CHN2: variants seen among roughly 807,000 people sequenced by gnomAD.
The protein encoded by CHN2 is chimerin 2.
Under a neutral mutation model 56.3 loss-of-function variants are expected in CHN2, and 35 were observed. That is an observed-to-expected ratio of 0.62 (90% CI 0.47 to 0.82). The LOEUF (loss-of-function observed/expected upper bound fraction) is 0.82. Among genes scored for constraint, CHN2 ranks in the 40% least tolerant of loss-of-function variants. The pLI is 0.00. For synonymous variants in CHN2, 210 were observed against 212.8 expected, an observed-to-expected ratio of 0.99 and a Z score of 0.12; for missense variants, 491 against 580.5, an observed-to-expected ratio of 0.85 and a Z score of 1.58.
At position 29,452,076 on chromosome 7, in the gene CHN2, T is replaced by C. The variant is rs111269813; in HGVS notation, c.577-28203T>C. 6.2e-3 allele frequency among the ~76,000 whole-genome samples: 940 copies of C among 152,356 alleles called. 9 individuals are homozygous for C. Among genetic ancestry groups the C allele is most frequent in the African/African-American group, 0.021 (887 of 41,584 alleles). ...ACAGGCCACACTTGATTTAATGCCC[T>C]GCTGTTGCCTTCTTGAAGTTCTTAA... On this transcript the variant is annotated intron_variant, in intron 6 of 12. Transcript: ENST00000222792.
chr7:29,462,597 C>G (rs1236394027), intron 6 of CHN2, among the ~76,000 whole-genome samples: 1 of 152,160 alleles, frequency 6.6e-6, no homozygotes, highest in Non-Finnish European at 1.5e-5. Context: ...CATGAGGCCT[C>G]TCCATGCAGC....
chr7:29,182,785 A>G lies in CHN2; in HGVS notation c.274+35825A>G, dbSNP rs143903938. 5.5e-3 allele frequency among the ~76,000 whole-genome samples: 835 copies of G among 152,332 alleles called. 12 individuals are homozygous for G. Among genetic ancestry groups the G allele is most frequent in the African/African-American group, 0.019 (771 of 41,580 alleles). On this transcript the variant is annotated intron_variant, in intron 2 of 6. Coordinates refer to the CHN2 transcript ENST00000439384. ...CCCAAGGAGAATTGGAGGTAGGCTT[A>G]TAGGAAATTAAATTCCTTGGACAGG...
chr7:29,485,065 G>A (rs1455297919), intron 7 of CHN2, among the ~76,000 whole-genome samples: 1 of 146,006 alleles, frequency 6.8e-6, no homozygotes, highest in African/African-American at 2.7e-5. Context: ...TCTTTACCAA[G>A]CATTTCTTCA....
rs1352164807 is a variant in CHN2 at position 29,437,490 on chromosome 7, C to A, written c.576+36662C>A. Among the ~76,000 whole-genome samples, 3 of 128,994 alleles carry A rather than the reference C, an allele frequency of 2.3e-5. 1 individual carries two copies. Among genetic ancestry groups the A allele is most frequent in the Non-Finnish European group, 3.2e-5 (2 of 62,322 alleles). 84.6% of individuals were successfully genotyped at this position (128,994 alleles called of 152,430 possible). ...GCGGGCGCCTGTAGTCCCAGCTACTCGGGAGGCTGAGGCAGGAGAATGGCA... is the reference window on the plus strand; with the variant it reads ...GCGGGCGCCTGTAGTCCCAGCTACTAGGGAGGCTGAGGCAGGAGAATGGCA... On this transcript the variant is annotated intron_variant, in intron 6 of 12. Coordinates refer to ENST00000222792, the MANE Select transcript of CHN2 (RefSeq NM_004067.4).
intron 9 of CHN2, among the ~76,000 whole-genome samples, chr7:29,502,078 T>A (rs957038765): frequency 1.3e-5 from 2 of 152,152 alleles, no homozygotes; most frequent in Non-Finnish European, 2.9e-5. Flanking sequence ...TCTATGTTAA[T>A]TTTGCCTTTT....
rs572171589 is a variant in CHN2, at chr7:29,512,196, T to C, written c.1236-368T>C. On this transcript the variant is annotated intron_variant, in intron 12 of 12. Coordinates refer to ENST00000222792, the MANE Select transcript of CHN2 (RefSeq NM_004067.4). ...CCACAAGAGGGAAAAAAAAAACGCC[T>C]TCTGTATAAGGCCTATGAAAGGACC... Among the ~76,000 whole-genome samples, 124 of 151,208 alleles carry C rather than the reference T, an allele frequency of 8.2e-4. 6 individuals are homozygous for C. The South Asian group carries it at 0.026, about 32-fold the overall frequency.
At chr7:29,250,049 G>A (rs1788376142) in intron 1 of CHN2, among the ~76,000 whole-genome samples, 1 of 152,266 alleles carries the variant, frequency 6.6e-6, no homozygotes, top group Middle Eastern at 3.4e-3. Flanking sequence ...AGCACAACAT[G>A]TGATTTTATT....
At chr7:29,234,225 G>A (rs1244676333) in intron 1 of CHN2, among the ~76,000 whole-genome samples, 1 of 151,652 alleles carries the variant, frequency 6.6e-6, no homozygotes, top group Non-Finnish European at 1.5e-5. Flanking sequence ...CCAAGTATAT[G>A]GTAATTTGTT....
intron 1 of CHN2, among the ~76,000 whole-genome samples, chr7:29,348,896 A>G (rs1235548323): frequency 1.3e-5 from 2 of 152,212 alleles, no homozygotes; most frequent in Non-Finnish European, 2.9e-5. Context: ...ACTATCAGGT[A>G]TAGCAAGCCT....
intron 2 of CHN2, among the ~76,000 whole-genome samples, chr7:29,165,328 T>C (rs1461980704): frequency 6.6e-6 from 1 of 152,238 alleles, no homozygotes; most frequent in Non-Finnish European, 1.5e-5. Flanking sequence ...TTTGGATTGA[T>C]CTTTACTACT....
intron 6 of CHN2, among the ~76,000 whole-genome samples, chr7:29,475,015 C>A (rs1786473412): frequency 6.6e-6 from 1 of 152,092 alleles, no homozygotes; most frequent in East Asian, 1.9e-4. Flanking sequence ...TTCTACCATT[C>A]CTTTCCTGGG....
intron 6 of CHN2, among the ~76,000 whole-genome samples, chr7:29,436,944 T>TTAA (rs141827176): frequency 0.028 from 4,242 of 150,346 alleles, 178 homozygotes; most frequent in African/African-American, 0.096. Context: ...CTTATTAAAA[T>TTAA]TAATAATAAT....
intron 1 of CHN2, among the ~76,000 whole-genome samples, chr7:29,201,426 T>C (rs574365109): frequency 2.0e-5 from 3 of 152,224 alleles, no homozygotes; most frequent in Non-Finnish European, 4.4e-5. Flanking sequence ...TTTTTTTTTT[T>C]TCTCTCTGGC....
At chr7:29,418,869 G>A (rs770249593) in intron 6 of CHN2, among the ~76,000 whole-genome samples, 3 of 152,162 alleles carry the variant, frequency 2.0e-5, no homozygotes, top group Admixed American at 6.5e-5. Context: ...GTGTCAATTA[G>A]CACTCTATGT....
chr7:29,406,818 A>G (rs6651058), intron 6 of CHN2, among the ~76,000 whole-genome samples: 5,230 of 152,100 alleles, frequency 0.034, 304 homozygotes, highest in African/African-American at 0.12. Context: ...TGTGGTTTCT[A>G]TGTCTGTCTC....
intron 2 of CHN2, among the ~76,000 whole-genome samples, chr7:29,168,158 T>C (rs1009942233): frequency 5.3e-5 from 8 of 152,224 alleles, no homozygotes; most frequent in African/African-American, 1.9e-4. Flanking sequence ...TGCTTACTAA[T>C]GAGACTGCAC....
intron 2 of CHN2, among the ~76,000 whole-genome samples, chr7:29,171,851 A>G (rs1486626389): frequency 6.6e-6 from 1 of 152,222 alleles, no homozygotes; most frequent in Non-Finnish European, 1.5e-5. Flanking sequence ...GCTTTCAAGC[A>G]TGCCGTCACA....
intron 1 of CHN2, chr7:29,212,462 T>C: frequency 6.3e-7 from 1 of 1,596,680 alleles, no homozygotes; most frequent in Non-Finnish European, 8.6e-7. Context: ...TCTCTCCTCT[T>C]CTTCCTCCAT....
intron 1 of CHN2, among the ~76,000 whole-genome samples, chr7:29,327,351 A>G (rs1308924730): frequency 6.6e-6 from 1 of 152,182 alleles, no homozygotes; most frequent in East Asian, 1.9e-4. Flanking sequence ...GTGTTTTGCT[A>G]ATCCCTACAG....
Sources: gnomAD v4.1 joint callset for allele counts (sites outside exome capture counted in the v4.1 genomes callset) on GRCh38, gnomAD v4.1.1 for gene constraint, MANE v1.5 for transcripts, NCBI Gene and HGNC (gene_info 2026-07-23, HGNC 2026-07-21) for gene names.